FBRSL1: variants seen among roughly 807,000 people sequenced by gnomAD.
The protein encoded by FBRSL1 is fibrosin-1-like protein.
A neutral mutation model predicts 89.6 loss-of-function variants in FBRSL1; 51 were observed. The ratio of observed to expected loss-of-function variants is 0.57; its 90% CI spans 0.45 to 0.72. FBRSL1 has a LOEUF of 0.72. FBRSL1 is among the 30% of genes least tolerant of loss of function. The pLI, the probability that FBRSL1 is intolerant of heterozygous loss-of-function variation, is 0.00. For missense variants in FBRSL1, 1,618 were observed against 1,451.8 expected (o/e 1.11, Z -1.86); for synonymous variants, 779 against 681.1 (o/e 1.14, Z -2.24).
At chr12:132,528,189 G>A (rs988736176) in intron 4 of FBRSL1, among the ~76,000 whole-genome samples, 2 of 152,260 alleles carry the variant, frequency 1.3e-5, no homozygotes, top group Non-Finnish European at 2.9e-5. Flanking sequence ...AGATTTGGGG[G>A]TGCGTCCTGC....
chr12:132,577,061 A>T, intron 15 of FBRSL1, 130 bp downstream of exon 15: 2 of 1,280,810 alleles, frequency 1.6e-6, no homozygotes, highest in Non-Finnish European at 1.1e-6. Context: ...CTTGATGCTC[A>T]CCACTTATTC....
At chr12:132,553,878 G>A (rs965770188) in intron 5 of FBRSL1, 30 of 152,262 alleles carry the variant, frequency 2.0e-4, no homozygotes, top group African/African-American at 6.8e-4. Context: ...CCAGGCTGAA[G>A]TCAAGGTACC....
chr12:132,576,556 C>T (rs754154742), intron 14 of FBRSL1, among the ~76,000 whole-genome samples: 12 of 152,224 alleles, frequency 7.9e-5, no homozygotes, highest in Non-Finnish European at 1.5e-4. Flanking sequence ...CGTAGCATCC[C>T]AGCTGCCATG....
At chr12:132,533,124 G>C (rs980467979) in intron 4 of FBRSL1, among the ~76,000 whole-genome samples, 5 of 151,146 alleles carry the variant, frequency 3.3e-5, no homozygotes, top group African/African-American at 1.2e-4. Flanking sequence ...GAGAGCTGCA[G>C]TCTCCTCCCG....
chr12:132,570,670 G>T (rs2137884378), intron 8 of FBRSL1, 130 bp downstream of exon 8: 1 of 833,932 alleles, frequency 1.2e-6, no homozygotes, highest in South Asian at 2.1e-5. Context: ...GCCTCTCTGA[G>T]TGGTTCCCCC....
At position 132,583,859 on chromosome 12, in the gene FBRSL1, C is replaced by T; in HGVS notation, c.*81C>T. 2 of 854,774 alleles carry T rather than the reference C, an allele frequency of 2.3e-6. No homozygotes were observed. The highest frequency in any genetic ancestry group is 3.0e-6 in the Non-Finnish European group (2 of 675,584). 52.9% of individuals were successfully genotyped at this position (854,774 alleles called of 1,614,324 possible). A position where few individuals can be genotyped will look rare whatever the true frequency, so the allele number is the denominator to read the frequency against. Reference sequence around the variant, plus strand: ...CAGTTCCTAGAACTCAAGCACAGCTCCCGCCGATCCTGGGGCGGCGCCGCC... The same window carrying T: ...CAGTTCCTAGAACTCAAGCACAGCTTCCGCCGATCCTGGGGCGGCGCCGCC... On this transcript the variant is annotated 3_prime_UTR_variant, in exon 19 of 19. Transcript: ENST00000680143.
rs1259676422 is a variant in FBRSL1 at position 132,574,376 on chromosome 12, C to T, written c.1629+28C>T. On this transcript the variant is annotated intron_variant, in intron 13 of 18. Transcript: ENST00000680143. ...GAGCACGTGTTGGGAAGGCCCGTGG[C>T]AAGGGAGGACTCTGGTGCCCCCGGG... The T allele has an allele frequency of 3.2e-6, 5 of 1,549,736 alleles. No homozygotes were observed. The Admixed American group carries it at 9.8e-5, about 30-fold the overall frequency.
In FBRSL1 at chr12:132,548,047, C is replaced by G. The variant is rs946817998; in HGVS notation, c.645+15C>G. ...CGGACGACAAGGTAAGCCCAGCGTC[C>G]TCCTCCTGGGCTCGGCTGACAGCCC... On this transcript the variant is annotated intron_variant, in intron 5 of 18. Coordinates refer to ENST00000680143, the MANE Select transcript of FBRSL1 (RefSeq NM_001367871.1). 11 of 1,549,998 alleles carry G rather than the reference C, an allele frequency of 7.1e-6. No homozygotes were observed. The highest frequency in any genetic ancestry group is 4.8e-5 in the South Asian group (4 of 84,016).
At position 132,569,909 on chromosome 12, in the gene FBRSL1, C is replaced by T. The variant is rs554892913; in HGVS notation, c.692-17C>T. The T allele has an allele frequency of 1.5e-6, 2 of 1,377,882 alleles. No individual in the cohort carries two copies. The highest frequency in any genetic ancestry group is 6.9e-5 in the Admixed American group (2 of 28,938). The allele number at this position is 1,377,882 out of a possible 1,614,324, so 85.4% of individuals were successfully genotyped here. A position where few individuals can be genotyped will look rare whatever the true frequency, so the allele number is the denominator to read the frequency against. ...CGAGGCCCTGCTGGTCTGAACGCAGCCACCCTCTCTCTGCAGGCCCAGCGC... is the reference window on the plus strand; with the variant it reads ...CGAGGCCCTGCTGGTCTGAACGCAGTCACCCTCTCTCTGCAGGCCCAGCGC... On this transcript the variant is annotated splice_polypyrimidine_tract_variant and intron_variant, in intron 6 of 18. Coordinates refer to ENST00000680143, the MANE Select transcript of FBRSL1 (RefSeq NM_001367871.1).
intron 6 of FBRSL1, among the ~76,000 whole-genome samples, 175 bp from the exon 7 acceptor site, chr12:132,569,751 C>T (rs1255097257): frequency 2.6e-5 from 4 of 152,242 alleles, no homozygotes; most frequent in East Asian, 3.9e-4. Flanking sequence ...CCTGGAGCCT[C>T]GGGTGAGATC....
chr12:132,565,245 C>T (rs1279602538), intron 5 of FBRSL1: 1 of 152,258 alleles, frequency 6.6e-6, no homozygotes, highest in African/African-American at 2.4e-5. Flanking sequence ...TTTATACAAA[C>T]TTAAAAGTAT....
chr12:132,508,344 C>T lies in FBRSL1; in HGVS notation c.483C>T (p.Ser161=). Residue 161 remains serine, a synonymous_variant, in exon 2 of 19, where the codon TCC becomes TCT. Transcript: ENST00000680143. The stretch of plus-strand genomic sequence containing the variant: ...CGAGAAAGGTCCCACTGCAGCCCTC[C>T]AAGCAGGTGAGCAGGTCCCTCCCCG... ...DGARKVPLQP[S]KQMKVTVSKG... is the part of the protein sequence containing the mutation. 1 of 1,521,962 alleles carries T rather than the reference C, an allele frequency of 6.6e-7. No homozygotes were observed. The highest frequency in any genetic ancestry group is 1.2e-5 in the South Asian group (1 of 80,284). The allele number at this position is 1,521,962 out of a possible 1,614,324, so 94.3% of individuals were successfully genotyped here.
chr12:132,552,830 CAGA>C (rs1176797546), intron 5 of FBRSL1: 1 of 165,344 alleles, frequency 6.0e-6, no homozygotes, highest in Non-Finnish European at 1.3e-5. Context: ...GCAGGACAGA[CAGA>C]AGGACGGATG....
At chr12:132,552,936 A>G (rs2038314250) in intron 5 of FBRSL1, 1 of 158,036 alleles carries the variant, frequency 6.3e-6, no homozygotes, top group Admixed American at 6.5e-5. Flanking sequence ...ACAGCAGTCC[A>G]GTGTGCGGGC....
chr12:132,546,047 C>T lies in FBRSL1; in HGVS notation c.616-1956C>T, dbSNP rs747655380. Among the ~76,000 whole-genome samples, 60 of 152,216 alleles carry T rather than the reference C, an allele frequency of 3.9e-4. No homozygotes were observed. Among genetic ancestry groups the T allele is most frequent in the Admixed American group, 7.2e-4 (11 of 15,292 alleles). ...GGCATCCTTGGCACAGTCTCGGCTC[C>T]TGCTTTGCCCTCTTCCGGTCCCCTC... On this transcript the variant is annotated intron_variant, in intron 4 of 18. Coordinates refer to ENST00000680143, the MANE Select transcript of FBRSL1 (RefSeq NM_001367871.1). This position sits in a 1 kb window ranked among gnomAD's most constrained non-coding sequence, Gnocchi z 4.0.
At chr12:132,574,647 G>A (rs2040261150) in intron 14 of FBRSL1, 83 bp downstream of exon 14, 3 of 1,488,138 alleles carry the variant, frequency 2.0e-6, no homozygotes, top group Non-Finnish European at 1.8e-6. Context: ...ATGAGGCTGT[G>A]TGTGTTCACA....
Position 132,582,209 on chromosome 12 carries a change from T to C in FBRSL1, c.2144T>C (p.Val715Ala), listed in dbSNP as rs2040807400. The change falls in exon 18 of 19, where the codon GTG (valine) becomes GCG (alanine). Residue 715 changes from valine (V) to alanine (A), a missense_variant. Transcript: ENST00000680143. The part of the protein sequence containing the change: ...PWPKSVDAER[V>A]SALTNHDREP... ...CCCAAGTCCGTGGACGCGGAGCGGG[T>C]GTCAGCCCTGACCAACCATGACCGA... 1.3e-6 allele frequency: 2 copies of C among 1,550,118 alleles called. No homozygotes were observed. The highest frequency in any genetic ancestry group is 1.4e-5 in the African/African-American group (1 of 73,148).
chr12:132,527,691 GTGGGCTGCGGGGCTGTGGGGC>G (rs1447309718), intron 3 of FBRSL1, among the ~76,000 whole-genome samples: 28 of 147,776 alleles, frequency 1.9e-4, no homozygotes, highest in South Asian at 6.6e-4. Flanking sequence ...GGGCAGGGTT[GTGGGCTGCGGGGCTGTGGGGC>G]AGGGTTGTGG....
At chr12:132,512,057 C>T (rs965523432) in intron 2 of FBRSL1, 20 of 966,100 alleles carry the variant, frequency 2.1e-5, no homozygotes, top group East Asian at 2.3e-4. Flanking sequence ...GCACTCTGAC[C>T]GAACAGAGGG....
Sources: gnomAD v4.1 joint callset for allele counts (sites outside exome capture counted in the v4.1 genomes callset) on GRCh38, gnomAD v4.1.1 for gene constraint, Gnocchi (gnomAD v3.1) non-coding constraint, MANE v1.5 for transcripts, NCBI Gene and HGNC (gene_info 2026-07-23, HGNC 2026-07-21) for gene names.